ZFHX3: variants seen among roughly 807,000 people sequenced by gnomAD.
ZFHX3 encodes zinc finger homeobox protein 3.
Under a neutral mutation model 279.1 loss-of-function variants are expected in ZFHX3, and 42 were observed. The ratio of observed to expected loss-of-function variants is 0.15; its 90% CI spans 0.12 to 0.19. ZFHX3 has a LOEUF of 0.19. ZFHX3 is among the 10% of genes least tolerant of loss of function. ZFHX3 has a pLI of 1.00. For synonymous variants in ZFHX3, 2,293 were observed against 1,957.8 expected (o/e 1.17, Z -4.52); for missense variants, 4,981 against 4,754.0 (o/e 1.05, Z -1.40).
intron 1 of ZFHX3, among the ~76,000 whole-genome samples, chr16:73,018,236 C>G (rs577722947): frequency 6.6e-6 from 1 of 152,030 alleles, no homozygotes; most frequent in South Asian, 2.1e-4. Context: ...AAGCAATCCT[C>G]CTGCCTTGGC....
intron 6 of ZFHX3, among the ~76,000 whole-genome samples, chr16:73,135,356 T>C (rs186972470): frequency 6.6e-6 from 1 of 152,280 alleles, no homozygotes; most frequent in Admixed American, 6.5e-5. Context: ...GCAGACTAAA[T>C]GTTATTTTAG....
At position 73,483,341 on chromosome 16, in the gene ZFHX3, GAGAGAGAGAA is replaced by G; in HGVS notation, c.-1546-27093_-1546-27084del. 20 of 415,110 alleles carry G rather than the reference GAGAGAGAGAA, an allele frequency of 4.8e-5. 1 individual carries two copies. The Middle Eastern group carries it at 6.4e-3, about 133-fold the overall frequency. The allele number at this position is 415,110 out of a possible 1,614,324, so 25.7% of individuals were successfully genotyped here. A position where few individuals can be genotyped will look rare whatever the true frequency, so the allele number is the denominator to read the frequency against. On this transcript the variant is annotated intron_variant, in intron 2 of 17. Transcript: ENST00000641206. ...CAAGAGCGAGCGAGTGAGAGACAGAGAGAGAGAGAAAGAGAGAGAGAGAGAGAGTTCCTCA... is the reference window on the plus strand; with the variant it reads ...CAAGAGCGAGCGAGTGAGAGACAGAGAGAGAGAGAGAGAGAGAGTTCCTCA...
intron 3 of ZFHX3, among the ~76,000 whole-genome samples, chr16:72,899,015 T>G (rs1266164507): frequency 6.6e-6 from 1 of 152,138 alleles, no homozygotes; most frequent in African/African-American, 2.4e-5. Flanking sequence ...CAAACTACTC[T>G]CCAGAAACAA....
At chr16:72,885,334 G>C (rs2038597007) in intron 4 of ZFHX3, among the ~76,000 whole-genome samples, 1 of 152,234 alleles carries the variant, frequency 6.6e-6, no homozygotes, top group Non-Finnish European at 1.5e-5. Context: ...CAACCACGAG[G>C]CCTCTCAAGG....
chr16:73,808,029 T>C (rs1414387108), intron 1 of ZFHX3, among the ~76,000 whole-genome samples: 2 of 152,074 alleles, frequency 1.3e-5, no homozygotes, highest in African/African-American at 4.8e-5. Flanking sequence ...GGGTATAATG[T>C]CCATGCTAGA....
chr16:73,726,653 T>C (rs564088638), intron 1 of ZFHX3, among the ~76,000 whole-genome samples: 46 of 152,284 alleles, frequency 3.0e-4, no homozygotes, highest in Non-Finnish European at 7.4e-5. Context: ...CTTTTACTCA[T>C]GGCAGAAGGC....
At chr16:73,210,520 G>A (rs542266719) in intron 5 of ZFHX3, among the ~76,000 whole-genome samples, 6 of 152,246 alleles carry the variant, frequency 3.9e-5, no homozygotes, top group South Asian at 2.1e-4. Flanking sequence ...AAATCAATAC[G>A]TTGAAAGTGC....
intron 3 of ZFHX3, chr16:73,455,922 T>C (rs1843803632): frequency 6.6e-6 from 1 of 152,002 alleles, no homozygotes; most frequent in Non-Finnish European, 1.5e-5. Context: ...TGGGTGTCCC[T>C]TGACAAACCA....
At chr16:73,347,308 T>C (rs1055979256) in intron 3 of ZFHX3, among the ~76,000 whole-genome samples, 1 of 152,234 alleles carries the variant, frequency 6.6e-6, no homozygotes, top group African/African-American at 2.4e-5. Context: ...CTTAGCTCCA[T>C]TGCTGTCTGC....
chr16:73,228,715 G>A (rs1439417843), intron 5 of ZFHX3, among the ~76,000 whole-genome samples: 1 of 152,082 alleles, frequency 6.6e-6, no homozygotes, highest in African/African-American at 2.4e-5. Flanking sequence ...AAATGTTGTG[G>A]GCCTGAAGCA....
chr16:72,907,204 C>T (rs2039198330), intron 3 of ZFHX3, among the ~76,000 whole-genome samples: 1 of 152,146 alleles, frequency 6.6e-6, no homozygotes, highest in South Asian at 2.1e-4. Context: ...TTTCGATGAC[C>T]TTTCCAGATG....
At chr16:73,265,904 A>G (rs911130148) in intron 4 of ZFHX3, among the ~76,000 whole-genome samples, 26 of 152,248 alleles carry the variant, frequency 1.7e-4, no homozygotes, top group African/African-American at 6.3e-4. Context: ...GAGAATAAGG[A>G]AAATGTAAAC....
intron 2 of ZFHX3, among the ~76,000 whole-genome samples, chr16:73,547,758 C>T (rs1007754629): frequency 1.3e-5 from 2 of 152,322 alleles, no homozygotes; most frequent in East Asian, 1.9e-4. Flanking sequence ...AGTGACACAT[C>T]CTGGCTCCCT....
At chr16:73,394,600 T>C (rs1487569166) in intron 3 of ZFHX3, among the ~76,000 whole-genome samples, 1 of 152,022 alleles carries the variant, frequency 6.6e-6, no homozygotes, top group Non-Finnish European at 1.5e-5. Context: ...CCCAGCCCTA[T>C]TTAATATTTT....
At chr16:73,729,939 A>G (rs772582440) in intron 1 of ZFHX3, among the ~76,000 whole-genome samples, 2 of 152,194 alleles carry the variant, frequency 1.3e-5, no homozygotes, top group African/African-American at 2.4e-5. Context: ...ACTAGACTAA[A>G]TAATATTCAG....
chr16:73,055,291 G>A (rs779779554), intron 1 of ZFHX3, among the ~76,000 whole-genome samples: 6 of 152,006 alleles, frequency 3.9e-5, no homozygotes, highest in Non-Finnish European at 7.4e-5. Context: ...TTTGGATTCG[G>A]TATTGTGGGT....
chr16:73,744,817 G>A (rs1051043381), intron 1 of ZFHX3, among the ~76,000 whole-genome samples: 13 of 151,940 alleles, frequency 8.6e-5, no homozygotes, highest in Admixed American at 1.3e-4. Flanking sequence ...TTTCATCTTC[G>A]TGACAGAATA....
At chr16:73,545,163 T>C (rs1023564157) in intron 2 of ZFHX3, among the ~76,000 whole-genome samples, 2 of 152,094 alleles carry the variant, frequency 1.3e-5, no homozygotes, top group African/African-American at 4.8e-5. Context: ...CCCCCACCTC[T>C]GCTAAAAATA....
At chr16:73,147,970 A>C (rs926432934) in intron 5 of ZFHX3, among the ~76,000 whole-genome samples, 9 of 152,226 alleles carry the variant, frequency 5.9e-5, no homozygotes, top group Middle Eastern at 3.2e-3. Flanking sequence ...GTGAGCAAGA[A>C]AGTCCAGTAT....
Sources: allele counts gnomAD v4.1 joint callset (sites outside exome capture counted in the v4.1 genomes callset), GRCh38; gene constraint gnomAD v4.1.1; transcripts MANE v1.5; gene names NCBI Gene and HGNC (gene_info 2026-07-23, HGNC 2026-07-21).